ARHGAP6: variants seen among roughly 807,000 people sequenced by gnomAD.
ARHGAP6 encodes rho GTPase-activating protein 6.
A neutral mutation model predicts 55.7 loss-of-function variants in ARHGAP6; 16 were observed. The ratio of observed to expected loss-of-function variants is 0.29; its 90% CI spans 0.19 to 0.44. ARHGAP6 has a LOEUF of 0.44. Ranked by LOEUF, ARHGAP6 falls within the 20% of genes least tolerant of loss-of-function variation. The pLI is 1.00. For synonymous variants in ARHGAP6, 382 were observed against 360.9 expected (o/e 1.06, Z -0.66); for missense variants, 698 against 808.9 (o/e 0.86, Z 1.66).
At chrX:11,386,190 G>A (rs750833937) in intron 1 of ARHGAP6, among the ~76,000 whole-genome samples, 1 of 113,129 alleles carries the variant, frequency 8.8e-6, no homozygotes, top group African/African-American at 3.2e-5. Context: ...TCTCTGGAAC[G>A]AACCTGAGAT....
chrX:11,432,383 A>G (rs979058701), intron 1 of ARHGAP6, among the ~76,000 whole-genome samples: 1 of 111,810 alleles, frequency 8.9e-6, no homozygotes, highest in Non-Finnish European at 1.9e-5. Flanking sequence ...TCAATCTTGG[A>G]CCACTGAAAA....
rs180730499 is a variant in ARHGAP6, at chrX:11,408,450, T to C, written c.589-153743A>G. ...GAGAAGGGCAACAAAGTTCCTTCCA[T>C]GTACACAGTTTCCTCTTGCTCTGTT... On this transcript the variant is annotated intron_variant, in intron 1 of 12. Coordinates refer to ENST00000337414, the MANE Select transcript of ARHGAP6 (RefSeq NM_013427.3). 3.5e-3 allele frequency among the ~76,000 whole-genome samples: 386 copies of C among 111,759 alleles called. 1 individual carries two copies. The highest frequency in any genetic ancestry group is 4.0e-3 in the Non-Finnish European group (211 of 53,190).
At chrX:11,284,513 A>G in intron 1 of ARHGAP6, among the ~76,000 whole-genome samples, 1 of 112,387 alleles carries the variant, frequency 8.9e-6, no homozygotes, top group Non-Finnish European at 1.9e-5. Flanking sequence ...AAGGCACCAC[A>G]TAGCCCCAGG....
intron 1 of ARHGAP6, among the ~76,000 whole-genome samples, chrX:11,427,096 C>T (rs1325588452): frequency 9.0e-6 from 1 of 111,413 alleles, no homozygotes; most frequent in African/African-American, 3.3e-5. Flanking sequence ...TGCACCCCAA[C>T]GCTCCCGGCA....
chrX:11,193,965 A>G (rs2046498057), intron 3 of ARHGAP6, among the ~76,000 whole-genome samples: 1 of 112,735 alleles, frequency 8.9e-6, no homozygotes, highest in African/African-American at 3.2e-5. Context: ...ACACTTTCTG[A>G]AAAATCACCT....
intron 2 of ARHGAP6, among the ~76,000 whole-genome samples, chrX:11,198,978 T>C (rs751556181): frequency 1.8e-5 from 2 of 112,346 alleles, no homozygotes; most frequent in Non-Finnish European, 3.8e-5. Context: ...TGTTCATGCA[T>C]TTGTAAAGAA....
At chrX:11,387,796 A>C (rs2049348837) in intron 1 of ARHGAP6, among the ~76,000 whole-genome samples, 1 of 110,842 alleles carries the variant, frequency 9.0e-6, no homozygotes, top group African/African-American at 3.3e-5. Context: ...GAGTGAGAAC[A>C]TGCGGTGTTT....
At chrX:11,471,061 T>C (rs1304515713) in intron 1 of ARHGAP6, among the ~76,000 whole-genome samples, 1 of 111,538 alleles carries the variant, frequency 9.0e-6, no homozygotes, top group Non-Finnish European at 1.9e-5. Flanking sequence ...ACCACAAGGA[T>C]AAAAAACAGG....
chrX:11,486,352 T>C (rs1287495289), intron 1 of ARHGAP6, among the ~76,000 whole-genome samples: 1 of 112,168 alleles, frequency 8.9e-6, no homozygotes, highest in Admixed American at 9.4e-5. Flanking sequence ...ACTTTAGCTC[T>C]CTACATATTC....
At chrX:11,410,162 A>G (rs1315748333) in intron 1 of ARHGAP6, among the ~76,000 whole-genome samples, 1 of 112,476 alleles carries the variant, frequency 8.9e-6, no homozygotes, top group African/African-American at 3.2e-5. Context: ...TCCATACAAA[A>G]CATATACACA....
intron 1 of ARHGAP6, among the ~76,000 whole-genome samples, chrX:11,472,629 G>A (rs769651174): frequency 8.9e-6 from 1 of 112,045 alleles, no homozygotes; most frequent in Admixed American, 9.4e-5. Context: ...TAGGGTTTAT[G>A]CTTGAAAAGA....
chrX:11,489,788 T>C (rs1265868453), intron 1 of ARHGAP6, among the ~76,000 whole-genome samples: 2 of 111,845 alleles, frequency 1.8e-5, no homozygotes. Context: ...CATGCTGTGC[T>C]TGAACACTAA....
intron 1 of ARHGAP6, among the ~76,000 whole-genome samples, chrX:11,618,832 C>T (rs1231508675): frequency 8.9e-6 from 1 of 111,780 alleles, no homozygotes; most frequent in African/African-American, 3.3e-5. Flanking sequence ...AGACATTTTA[C>T]ATAGCCACCT....
intron 1 of ARHGAP6, among the ~76,000 whole-genome samples, chrX:11,497,340 C>T (rs1360160904): frequency 9.0e-6 from 1 of 111,485 alleles, no homozygotes; most frequent in Non-Finnish European, 1.9e-5. Context: ...TAGAGTAAGT[C>T]AACACTGGGA....
intron 1 of ARHGAP6, chrX:11,299,042 T>C: frequency 8.9e-7 from 1 of 1,125,767 alleles, no homozygotes; most frequent in Non-Finnish European, 1.2e-6. Flanking sequence ...GGCCCCAGAG[T>C]TCTAAGGTCT....
intron 1 of ARHGAP6, among the ~76,000 whole-genome samples, chrX:11,440,566 G>C (rs781745604): frequency 9.0e-6 from 1 of 111,391 alleles, no homozygotes; most frequent in Non-Finnish European, 1.9e-5. Context: ...GGATTTTCTG[G>C]AGGGACATTC....
chrX:11,157,502 C>T (rs1327798216), intron 9 of ARHGAP6, among the ~76,000 whole-genome samples: 1 of 112,157 alleles, frequency 8.9e-6, no homozygotes, highest in Non-Finnish European at 1.9e-5. Context: ...GATGGCCTCA[C>T]AACCCTAAGT....
intron 1 of ARHGAP6, among the ~76,000 whole-genome samples, chrX:11,561,620 A>G (rs1349147673): frequency 8.9e-6 from 1 of 112,401 alleles, no homozygotes; most frequent in African/African-American, 3.2e-5. Flanking sequence ...ATAAGTATAT[A>G]AAAATAAAAT....
chrX:11,284,032 C>T (rs925564105), intron 1 of ARHGAP6, among the ~76,000 whole-genome samples: 1 of 111,960 alleles, frequency 8.9e-6, no homozygotes, highest in African/African-American at 3.2e-5. Context: ...TTTACCCAAG[C>T]TATCATATCT....
Sources: gnomAD v4.1 joint callset for allele counts (sites outside exome capture counted in the v4.1 genomes callset) on GRCh38, gnomAD v4.1.1 for gene constraint, MANE v1.5 for transcripts, NCBI Gene and HGNC (gene_info 2026-07-23, HGNC 2026-07-21) for gene names.